PHF21B: variants seen among roughly 807,000 people sequenced by gnomAD.
The protein encoded by PHF21B is PHD finger protein 21B.
PHF21B carries 22 observed loss-of-function variants against 62.2 expected under a neutral mutation model. That is an observed-to-expected ratio of 0.35 (90% CI 0.25 to 0.51). PHF21B has a LOEUF of 0.51. PHF21B is among the 20% of genes least tolerant of loss of function. The pLI, the probability that PHF21B is intolerant of heterozygous loss-of-function variation, is 0.97. For synonymous variants in PHF21B, 341 were observed against 314.7 expected (o/e 1.08, Z -0.88); for missense variants, 701 against 707.9 (o/e 0.99, Z 0.11).
chr22:44,941,602 C>T (rs556519565), intron 2 of PHF21B, among the ~76,000 whole-genome samples: 41 of 152,346 alleles, frequency 2.7e-4, no homozygotes, highest in Middle Eastern at 3.4e-3. Context: ...AATTGTGAGA[C>T]GCCACCAACC....
chr22:44,965,250 A>G (rs2072502219), intron 2 of PHF21B, among the ~76,000 whole-genome samples: 1 of 151,914 alleles, frequency 6.6e-6, no homozygotes, highest in African/African-American at 2.4e-5. Context: ...TCGGCTGCAC[A>G]CCTGCTTGTA....
chr22:45,000,166 C>T (rs1417375409), intron 2 of PHF21B, among the ~76,000 whole-genome samples: 2 of 152,142 alleles, frequency 1.3e-5, no homozygotes, highest in African/African-American at 2.4e-5. Flanking sequence ...CACTGTAAAT[C>T]ACTTTGTCAC....
intron 5 of PHF21B, among the ~76,000 whole-genome samples, chr22:44,910,065 C>G (rs1294047730): frequency 1.3e-5 from 2 of 152,168 alleles, no homozygotes; most frequent in Non-Finnish European, 2.9e-5. Context: ...AGGGAGCAAA[C>G]TCGAAGGCAT....
At chr22:44,957,903 AT>A (rs11312000) in intron 2 of PHF21B, among the ~76,000 whole-genome samples, 104,786 of 138,202 alleles carry the variant, frequency 0.76, 39,539 homozygotes, top group East Asian at 0.88. Flanking sequence ...ACCACTGGAC[AT>A]TTTTTTTTTT....
chr22:44,946,721 G>A (rs903445338), intron 2 of PHF21B, among the ~76,000 whole-genome samples: 23 of 152,134 alleles, frequency 1.5e-4, no homozygotes, highest in African/African-American at 5.3e-4. Context: ...ATCTCAGGGG[G>A]ATGCTCAGGA....
At chr22:44,987,773 T>TCTCTCTCTCTCTCCTCTCCCC (rs2072977776) in intron 2 of PHF21B, among the ~76,000 whole-genome samples, 1 of 143,924 alleles carries the variant, frequency 6.9e-6, no homozygotes, top group African/African-American at 2.5e-5. Context: ...CTCCTCTCTC[T>TCTCTCTCTCTCTCCTCTCCCC]CTCTCTCTCT....
At chr22:44,900,448 C>G (rs545638048) in intron 5 of PHF21B, among the ~76,000 whole-genome samples, 5 of 152,190 alleles carry the variant, frequency 3.3e-5, no homozygotes, top group Admixed American at 1.3e-4. Flanking sequence ...TTACAGGCAC[C>G]CGCCACCACG....
At chr22:44,921,705 T>C (rs538430055) in intron 2 of PHF21B, among the ~76,000 whole-genome samples, 104 of 139,158 alleles carry the variant, frequency 7.5e-4, no homozygotes, top group African/African-American at 2.5e-3. Context: ...GTTGCCCAGG[T>C]TGGAATGTAG....
At chr22:44,956,639 A>C (rs2072303537) in intron 2 of PHF21B, among the ~76,000 whole-genome samples, 1 of 150,950 alleles carries the variant, frequency 6.6e-6, no homozygotes, top group Non-Finnish European at 1.5e-5. Flanking sequence ...GGAGACCTCG[A>C]GGGACCCTCC....
intron 2 of PHF21B, among the ~76,000 whole-genome samples, chr22:44,971,727 G>T (rs986380236): frequency 2.0e-5 from 3 of 152,086 alleles, no homozygotes; most frequent in African/African-American, 7.2e-5. Flanking sequence ...GCCCTCGTGG[G>T]TGTGCCTGGT....
At chr22:44,954,313 C>G (rs564665982) in intron 2 of PHF21B, among the ~76,000 whole-genome samples, 2 of 152,352 alleles carry the variant, frequency 1.3e-5, no homozygotes, top group South Asian at 4.1e-4. Context: ...CTTTGGGGAC[C>G]CAGCGCAGGA....
At chr22:45,004,852 C>T (rs1052802698) in intron 2 of PHF21B, among the ~76,000 whole-genome samples, 2 of 152,244 alleles carry the variant, frequency 1.3e-5, no homozygotes, top group African/African-American at 4.8e-5. Flanking sequence ...GACAGCCTCT[C>T]AGAACCCAGA....
intron 2 of PHF21B, among the ~76,000 whole-genome samples, chr22:44,984,581 T>C (rs1470503477): frequency 6.6e-6 from 1 of 152,198 alleles, no homozygotes; most frequent in Admixed American, 6.5e-5. Flanking sequence ...AGCCTGGCAA[T>C]GCCGTAGCTG....
chr22:44,964,149 G>A (rs958842306), intron 2 of PHF21B, among the ~76,000 whole-genome samples: 14 of 152,212 alleles, frequency 9.2e-5, no homozygotes, highest in South Asian at 8.3e-4. Flanking sequence ...ATATCTGTAC[G>A]TATGTGCTGC....
chr22:45,008,849 C>T (rs1329553655), intron 1 of PHF21B: 12 of 1,178,012 alleles, frequency 1.0e-5, no homozygotes, highest in Non-Finnish European at 1.3e-5. Context: ...GCCGAGGCCA[C>T]CCGGCGGCGC....
chr22:44,993,318 G>A (rs1381984865), intron 2 of PHF21B, among the ~76,000 whole-genome samples: 2 of 152,174 alleles, frequency 1.3e-5, no homozygotes, highest in Non-Finnish European at 2.9e-5. Context: ...ACCTCACCCA[G>A]CCTCAGTGTC....
Position 45,009,268 on chromosome 22 carries a change from C to T in PHF21B, c.54+228G>A, listed in dbSNP as rs1384038856. On this transcript the variant is annotated intron_variant, in intron 1 of 12. Transcript: ENST00000313237. This position sits in a 1 kb window ranked among gnomAD's most constrained non-coding sequence, Gnocchi z 5.9. ...TTAAGAGAAGACTCCAGGCTCGGGT[C>T]CCACGCGTCCTCGATCCCGCAAACT... 1.4e-5 allele frequency: 8 copies of T among 552,258 alleles called. No homozygotes were observed. The highest frequency in any genetic ancestry group is 2.5e-5 in the Non-Finnish European group (8 of 324,564). 34.2% of individuals were successfully genotyped at this position (552,258 alleles called of 1,614,324 possible). A position where few individuals can be genotyped will look rare whatever the true frequency, so the allele number is the denominator to read the frequency against.
intron 5 of PHF21B, among the ~76,000 whole-genome samples, chr22:44,912,160 T>C (rs1378806747): frequency 1.3e-5 from 2 of 152,260 alleles, no homozygotes; most frequent in Non-Finnish European, 2.9e-5. Flanking sequence ...TCATTGTATT[T>C]AGGAAGTAAC....
chr22:44,889,790 A>AC lies in PHF21B; in HGVS notation c.1016-9_1016-8insG. The AC allele has an allele frequency of 6.4e-7, 1 of 1,554,454 alleles. No homozygotes were observed. Among genetic ancestry groups the AC allele is most frequent in the Non-Finnish European group, 8.6e-7 (1 of 1,158,586 alleles). On this transcript the variant is annotated splice_polypyrimidine_tract_variant and intron_variant, in intron 8 of 12. Coordinates refer to ENST00000313237, the MANE Select transcript of PHF21B (RefSeq NM_138415.5). ...AGCAGGGGTCCTCATTGGCTAGCAC[A>AC]GGGAAGAAGGGCGGAGAACACGTTA...
Sources: allele counts gnomAD v4.1 joint callset (sites outside exome capture counted in the v4.1 genomes callset), GRCh38; gene constraint gnomAD v4.1.1; non-coding constraint Gnocchi (gnomAD v3.1); transcripts MANE v1.5; gene names NCBI Gene and HGNC (gene_info 2026-07-23, HGNC 2026-07-21).